TTL: variants seen among roughly 807,000 people sequenced by gnomAD.
TTL encodes the protein tubulin tyrosine ligase.
A neutral mutation model predicts 41.1 loss-of-function variants in TTL; 10 were observed. That is an observed-to-expected ratio of 0.24 (90% CI 0.15 to 0.41). The LOEUF (loss-of-function observed/expected upper bound fraction) is 0.41. TTL is among the 10% of genes least tolerant of loss of function. The pLI, the probability that TTL is intolerant of heterozygous loss-of-function variation, is 1.00. For missense variants in TTL, 367 were observed against 460.4 expected (o/e 0.80, Z 1.86); for synonymous variants, 175 against 175.5 (o/e 1.00, Z 0.02).
intron 2 of TTL, among the ~76,000 whole-genome samples, chr2:112,486,368 C>A (rs897093898): frequency 2.0e-5 from 3 of 152,210 alleles, no homozygotes; most frequent in African/African-American, 7.2e-5. Flanking sequence ...GAGTGAATGG[C>A]ACCTCAGAGT....
chr2:112,536,240 A>AT lies in TTL; in HGVS notation c.*7458dup, dbSNP rs199834593. The AT allele has an allele frequency of 6.3e-4, 93 of 148,162 alleles. No homozygotes were observed. The highest frequency in any genetic ancestry group is 3.4e-3 in the Middle Eastern group (1 of 290). 9.2% of individuals were successfully genotyped at this position (148,162 alleles called of 1,614,324 possible). On this transcript the variant is annotated 3_prime_UTR_variant, in exon 7 of 7. Transcript: ENST00000233336. ...GAGTGCAGATATCTCTCCAAAAAAA[A>AT]TTTTTTTTTTTTTAGAGATAGGGTC...
intron 5 of TTL, among the ~76,000 whole-genome samples, chr2:112,514,312 G>T (rs1471210919): frequency 2.6e-5 from 4 of 151,972 alleles, no homozygotes; most frequent in South Asian, 2.1e-4. Context: ...AACCTGGGGG[G>T]TGGAAGTTGC....
rs1682590714 is a variant in TTL, at chr2:112,535,997, G to C, written c.*7202G>C. The stretch of plus-strand genomic sequence containing the variant: ...TTTAAAACAATTTTTTTAGAGATAG[G>C]ACCTGGCTTACTTCAAAACTTACCT... On this transcript the variant is annotated 3_prime_UTR_variant, in exon 7 of 7. Transcript: ENST00000233336. 1 of 152,028 alleles carries C rather than the reference G, an allele frequency of 6.6e-6. No individual in the cohort carries two copies. The highest frequency in any genetic ancestry group is 6.6e-5 in the Admixed American group (1 of 15,234). The allele number at this position is 152,028 out of a possible 1,614,324, so 9.4% of individuals were successfully genotyped here. A position where few individuals can be genotyped will look rare whatever the true frequency, so the allele number is the denominator to read the frequency against.
chr2:112,509,521 G>A (rs1404527165), intron 5 of TTL, among the ~76,000 whole-genome samples: 9 of 152,174 alleles, frequency 5.9e-5, no homozygotes, highest in South Asian at 2.1e-4. Context: ...CTCATGGTGC[G>A]CCGTTTCTTA....
rs1044246494 is a variant in TTL at position 112,534,031 on chromosome 2, C to T, written c.*5236C>T. On this transcript the variant is annotated 3_prime_UTR_variant, in exon 7 of 7. Transcript: ENST00000233336. The stretch of plus-strand genomic sequence containing the variant: ...AAACTGTCTAGACATTAACCAGAGG[C>T]TTGCAGCAATCCATTTATTCAAGAA... 6.6e-6 allele frequency: 1 copy of T among 152,172 alleles called. No individual in the cohort carries two copies. Among genetic ancestry groups the T allele is most frequent in the East Asian group, 1.9e-4 (1 of 5,194 alleles). The allele number at this position is 152,172 out of a possible 1,614,324, so 9.4% of individuals were successfully genotyped here. A position where few individuals can be genotyped will look rare whatever the true frequency, so the allele number is the denominator to read the frequency against.
chr2:112,511,333 C>G (rs916524882), intron 5 of TTL, among the ~76,000 whole-genome samples: 1 of 151,614 alleles, frequency 6.6e-6, no homozygotes, highest in East Asian at 1.9e-4. Context: ...CTATTTATTA[C>G]TCTTGATCTT....
At chr2:112,521,519 C>T (rs1308561685) in intron 6 of TTL, among the ~76,000 whole-genome samples, 1 of 152,182 alleles carries the variant, frequency 6.6e-6, no homozygotes, top group Non-Finnish European at 1.5e-5. Context: ...GAGAAAGTCC[C>T]GTACCTGCAA....
rs1682458846 is a variant in TTL, at chr2:112,529,655, A to G, written c.*860A>G. 3 of 222,744 alleles carry G rather than the reference A, an allele frequency of 1.3e-5. No individual in the cohort carries two copies. The highest frequency in any genetic ancestry group is 4.5e-5 in the African/African-American group (2 of 44,210). 13.8% of individuals were successfully genotyped at this position (222,744 alleles called of 1,614,324 possible). The stretch of plus-strand genomic sequence containing the variant: ...TACTTTTTTTTAAACGTTTGTAAAA[A>G]CCTCTTTGAGGATGAGGAGTCAGTA... On this transcript the variant is annotated 3_prime_UTR_variant, in exon 7 of 7. Transcript: ENST00000233336.
chr2:112,489,371 C>G (rs1681322626), intron 2 of TTL, among the ~76,000 whole-genome samples: 1 of 152,136 alleles, frequency 6.6e-6, no homozygotes, highest in Non-Finnish European at 1.5e-5. Context: ...TTTTCAACAA[C>G]TTTGAAAGCC....
chr2:112,517,684 T>C (rs975208334), intron 5 of TTL, among the ~76,000 whole-genome samples: 8 of 150,654 alleles, frequency 5.3e-5, no homozygotes, highest in Admixed American at 1.3e-4. Flanking sequence ...GGCTCATGCC[T>C]CTAATCCCAG....
chr2:112,515,600 A>G (rs1339395074), intron 5 of TTL, among the ~76,000 whole-genome samples: 3 of 152,196 alleles, frequency 2.0e-5, no homozygotes, highest in Admixed American at 2.0e-4. Context: ...ATACATAAAA[A>G]TATAAAACAT....
Position 112,522,985 on chromosome 2 carries a change from A to G in TTL, c.1019+2560A>G, listed in dbSNP as rs1050457876. ...CAGTGTGTAAAGTCGACACCAGACC[A>G]TGCCATTCTCCAGACTTGCCATTGC... On this transcript the variant is annotated intron_variant, in intron 6 of 6. Transcript: ENST00000233336. Among the ~76,000 whole-genome samples the G allele has an allele frequency of 2.0e-5, 3 of 152,168 alleles. No individual in the cohort carries two copies. In the East Asian group the frequency reaches 5.8e-4, roughly 29 times the overall value.
At chr2:112,495,127 T>A (rs1223262190) in intron 3 of TTL, among the ~76,000 whole-genome samples, 1 of 152,242 alleles carries the variant, frequency 6.6e-6, no homozygotes, top group Non-Finnish European at 1.5e-5. Flanking sequence ...AAAGACTGCC[T>A]AGTATCTCTC....
chr2:112,514,649 A>G (rs1682018637), intron 5 of TTL, among the ~76,000 whole-genome samples: 1 of 152,050 alleles, frequency 6.6e-6, no homozygotes, highest in South Asian at 2.1e-4. Context: ...ATTCCTTTAC[A>G]TTGGTTTTTA....
At chr2:112,503,248 C>T (rs969917728) in intron 5 of TTL, 67 bp downstream of exon 5, 2 of 1,366,500 alleles carry the variant, frequency 1.5e-6, no homozygotes, top group African/African-American at 2.9e-5. Flanking sequence ...CTATGCCTTT[C>T]AAAGAATTGT....
At position 112,532,139 on chromosome 2, in the gene TTL, A is replaced by T. The variant is rs752380044; in HGVS notation, c.*3344A>T. The T allele has an allele frequency of 3.7e-4, 85 of 227,108 alleles. No homozygotes were observed. The highest frequency in any genetic ancestry group is 7.1e-4 in the Non-Finnish European group (81 of 114,342). 14.1% of individuals were successfully genotyped at this position (227,108 alleles called of 1,614,324 possible). On this transcript the variant is annotated 3_prime_UTR_variant, in exon 7 of 7. Coordinates refer to ENST00000233336, the MANE Select transcript of TTL (RefSeq NM_153712.5). ...AAATGTACTGTGATCGAAGTGACAAAGTGTGTTTTCATTCACAGTGGAGGC... is the reference window on the plus strand; with the variant it reads ...AAATGTACTGTGATCGAAGTGACAATGTGTGTTTTCATTCACAGTGGAGGC...
chr2:112,493,490 A>T (rs1452179655), intron 2 of TTL, among the ~76,000 whole-genome samples: 1 of 152,192 alleles, frequency 6.6e-6, no homozygotes, highest in African/African-American at 2.4e-5. Flanking sequence ...CTCTAGCTCC[A>T]GGGGTCTGAT....
At chr2:112,527,842 T>C (rs1440308190) in intron 6 of TTL, among the ~76,000 whole-genome samples, 3 of 152,244 alleles carry the variant, frequency 2.0e-5, no homozygotes, top group African/African-American at 7.2e-5. Context: ...TATGTGAATT[T>C]GATCCTGTCA....
chr2:112,536,186 T>C lies in TTL; in HGVS notation c.*7391T>C, dbSNP rs1388403057. 6.6e-6 allele frequency: 1 copy of C among 152,274 alleles called. No individual in the cohort carries two copies. The highest frequency in any genetic ancestry group is 1.5e-5 in the Non-Finnish European group (1 of 68,130). The allele number at this position is 152,274 out of a possible 1,614,324, so 9.4% of individuals were successfully genotyped here. A position where few individuals can be genotyped will look rare whatever the true frequency, so the allele number is the denominator to read the frequency against. On this transcript the variant is annotated 3_prime_UTR_variant, in exon 7 of 7. Transcript: ENST00000233336. ...ACTTAGGTCGCTTCCAAATCTTGGCTATTGCAAACAAGGCTGCAGTAAACA... is the reference window on the plus strand; with the variant it reads ...ACTTAGGTCGCTTCCAAATCTTGGCCATTGCAAACAAGGCTGCAGTAAACA...
Sources: gnomAD v4.1 joint callset for allele counts (sites outside exome capture counted in the v4.1 genomes callset) on GRCh38, gnomAD v4.1.1 for gene constraint, MANE v1.5 for transcripts, NCBI Gene and HGNC (gene_info 2026-07-23, HGNC 2026-07-21) for gene names.